Variants in DNMBP observed in about 807,000 individuals in gnomAD.
The protein encoded by DNMBP is dynamin-binding protein.
In DNMBP, 87 loss-of-function variants were observed where a neutral mutation model predicts 150.0. The observed-to-expected ratio is 0.58, with a 90% CI of 0.49 to 0.69. DNMBP has a LOEUF of 0.69. Among genes scored for constraint, DNMBP ranks in the 30% least tolerant of loss-of-function variants. The probability of loss-of-function intolerance (pLI) is 0.00; values close to 1 mark genes in which losing one functional copy is unlikely to be tolerated. For synonymous variants in DNMBP, 711 were observed against 750.4 expected, an observed-to-expected ratio of 0.95 and a Z score of 0.86; for missense variants, 1,774 against 1,949.0, an observed-to-expected ratio of 0.91 and a Z score of 1.69.
rs34454102 is a variant in DNMBP, at chr10:99,964,894, A to G, written c.268+4221T>C. On this transcript the variant is annotated intron_variant, in intron 3 of 16. Transcript: ENST00000324109. ...CCAAGGAAAAAAAAAAAATATATAT[A>G]TATATATATATTTTAACTCAAAACA... Among the ~76,000 whole-genome samples, 986 of 149,614 alleles carry G rather than the reference A, an allele frequency of 6.6e-3. 12 individuals carry two copies. Among genetic ancestry groups the G allele is most frequent in the African/African-American group, 0.023 (941 of 41,008 alleles).
rs763611138 is a variant in DNMBP at position 99,913,868 on chromosome 10, C to A, written c.2261-4722G>T. Reference sequence around the variant, plus strand: ...AATGGGGAAAATTTTGAGCTCCCGGCCAGATCCCAGGTGCCCTTGAACAGG... The same window carrying A: ...AATGGGGAAAATTTTGAGCTCCCGGACAGATCCCAGGTGCCCTTGAACAGG... On this transcript the variant is annotated intron_variant, in intron 4 of 16. Transcript: ENST00000324109. 223 of 1,254,324 alleles carry A rather than the reference C, an allele frequency of 1.8e-4. 1 individual carries two copies. The Middle Eastern group carries it at 4.9e-3, about 27-fold the overall frequency. 77.7% of individuals were successfully genotyped at this position (1,254,324 alleles called of 1,614,324 possible). A position where few individuals can be genotyped will look rare whatever the true frequency, so the allele number is the denominator to read the frequency against.
chr10:100,000,879 A>AAC lies in DNMBP; in HGVS notation c.-11+8958_-11+8959insGT, dbSNP rs1554875520. ...TATGGCAAAAAAAAAAAAAAAAAAA[A>AAC]AAAAAAAACCCAGCAGGGTACAGGA... On this transcript the variant is annotated intron_variant, in intron 1 of 16. Coordinates refer to ENST00000324109, the MANE Select transcript of DNMBP (RefSeq NM_015221.4). Among the ~76,000 whole-genome samples the AAC allele has an allele frequency of 2.6e-4, 36 of 137,144 alleles. 1 individual carries two copies. The highest frequency in any genetic ancestry group is 4.5e-4 in the South Asian group (2 of 4,488). The allele number at this position is 137,144 out of a possible 152,430, so 90.0% of individuals were successfully genotyped here. A position where few individuals can be genotyped will look rare whatever the true frequency, so the allele number is the denominator to read the frequency against.
chr10:100,001,023 A>G (rs1217763161), intron 1 of DNMBP, among the ~76,000 whole-genome samples: 3 of 151,334 alleles, frequency 2.0e-5, no homozygotes. Context: ...ACGAGGGAGG[A>G]GTTCAAGACC....
intron 4 of DNMBP, among the ~76,000 whole-genome samples, chr10:99,941,759 C>T (rs552221169): frequency 6.6e-6 from 1 of 152,170 alleles, no homozygotes; most frequent in Non-Finnish European, 1.5e-5. Context: ...TGAGCCACCA[C>T]GCCTGGCCTC....
intron 4 of DNMBP, among the ~76,000 whole-genome samples, chr10:99,925,211 G>A (rs1030536342): frequency 1.3e-5 from 2 of 151,878 alleles, no homozygotes; most frequent in African/African-American, 2.4e-5. Flanking sequence ...CTCAATCTAC[G>A]GCTGTGCTTC....
At position 100,009,465 on chromosome 10, in the gene DNMBP, G is replaced by A. The variant is rs369934955; in HGVS notation, c.-11+373C>T. The stretch of plus-strand genomic sequence containing the variant: ...GAACATCTGTAAAATCAGCGGGGTG[G>A]ACTAACGCAGAATTCTTTTTCCAGC... On this transcript the variant is annotated intron_variant, in intron 1 of 16. Coordinates refer to ENST00000324109, the MANE Select transcript of DNMBP (RefSeq NM_015221.4). Among the ~76,000 whole-genome samples, 419 of 152,378 alleles carry A rather than the reference G, an allele frequency of 2.7e-3. 3 individuals carry two copies. The highest frequency in any genetic ancestry group is 4.2e-3 in the Non-Finnish European group (286 of 68,038).
chr10:99,924,845 A>C (rs779114054), intron 4 of DNMBP, among the ~76,000 whole-genome samples: 3 of 152,256 alleles, frequency 2.0e-5, no homozygotes, highest in Non-Finnish European at 4.4e-5. Context: ...AGTGCCTTCA[A>C]ATCAATGCAG....
chr10:99,908,614 C>T (rs1028223778), intron 5 of DNMBP, among the ~76,000 whole-genome samples: 2 of 152,222 alleles, frequency 1.3e-5, no homozygotes, highest in Non-Finnish European at 2.9e-5. Context: ...AGTCATGTAA[C>T]TGCTCACCCC....
chr10:99,884,212 G>A lies in DNMBP; in HGVS notation c.3799-3C>T. 1 of 1,611,610 alleles carries A rather than the reference G, an allele frequency of 6.2e-7. No individual in the cohort carries two copies. ...TCTGACTGTAGCATGTAACTTGGCT[G>A]AAAGGTAAGACGTTAACAAAAATCT... On this transcript the variant is annotated splice_polypyrimidine_tract_variant and splice_region_variant and intron_variant, in intron 14 of 16. Transcript: ENST00000324109.
At chr10:99,891,862 A>G (rs567932610) in intron 11 of DNMBP, among the ~76,000 whole-genome samples, 17,653 of 141,322 alleles carry the variant, frequency 0.12, 1,743 homozygotes, top group African/African-American at 0.27. Flanking sequence ...CTGCCCGGCC[A>G]CGACCCCGTC....
chr10:99,972,564 C>T (rs1025845484), intron 1 of DNMBP, among the ~76,000 whole-genome samples: 7 of 151,252 alleles, frequency 4.6e-5, no homozygotes, highest in Non-Finnish European at 7.4e-5. Flanking sequence ...CTCCACTGTA[C>T]CTGGCCTCAT....
intron 1 of DNMBP, among the ~76,000 whole-genome samples, chr10:100,007,733 C>T (rs901994281): frequency 2.0e-5 from 3 of 152,206 alleles, no homozygotes; most frequent in Non-Finnish European, 4.4e-5. Flanking sequence ...CTTGGTTTAA[C>T]GGCTCTTTCA....
intron 16 of DNMBP, 78 bp from the exon 17 acceptor site, chr10:99,877,414 G>T (rs1482461043): frequency 5.8e-6 from 7 of 1,213,050 alleles, no homozygotes; most frequent in Non-Finnish European, 8.1e-6. Flanking sequence ...GTTGGGGAGG[G>T]TTCCACATCC....
At chr10:100,005,764 C>CAAAGAAA (rs2041062167) in intron 1 of DNMBP, among the ~76,000 whole-genome samples, 1 of 37,978 alleles carries the variant, frequency 2.6e-5, no homozygotes, top group African/African-American at 1.0e-4. Flanking sequence ...CAAAAGTCTC[C>CAAAGAAA]AAAAAAAAAA....
chr10:99,888,709 G>A lies in DNMBP; in HGVS notation c.3285+116C>T, dbSNP rs1173035774. On this transcript the variant is annotated intron_variant, in intron 12 of 16. Transcript: ENST00000324109. ...AAACCCCAATATGAATATAGCTAAA[G>A]GATGACTAATATGCCTGGTGCCCAG... is the stretch of plus-strand genomic sequence containing the variant. The A allele has an allele frequency of 3.2e-6, 4 of 1,231,006 alleles. No individual in the cohort carries two copies. In the African/African-American group the frequency reaches 4.5e-5, roughly 14 times the overall value. The allele number at this position is 1,231,006 out of a possible 1,614,324, so 76.3% of individuals were successfully genotyped here.
intron 4 of DNMBP, among the ~76,000 whole-genome samples, chr10:99,910,109 A>C (rs1199428123): frequency 1.3e-5 from 2 of 152,264 alleles, no homozygotes; most frequent in African/African-American, 4.8e-5. Context: ...TATACTAGTA[A>C]GTCTGAGTAC....
chr10:100,007,670 C>T (rs968169479), intron 1 of DNMBP, among the ~76,000 whole-genome samples: 3 of 152,178 alleles, frequency 2.0e-5, no homozygotes, highest in Admixed American at 1.3e-4. Context: ...TTTCACCTCC[C>T]ACAGCTGCCT....
Position 99,977,920 on chromosome 10 carries a change from C to T in DNMBP, c.-10-5786G>A, listed in dbSNP as rs144091034. On this transcript the variant is annotated intron_variant, in intron 1 of 16. Coordinates refer to ENST00000324109, the MANE Select transcript of DNMBP (RefSeq NM_015221.4). ...CCAGCTTGTCTATCTATGTATGGCACTGGCAACAGTGCCATAGCAATGTCA... is the reference window on the plus strand; with the variant it reads ...CCAGCTTGTCTATCTATGTATGGCATTGGCAACAGTGCCATAGCAATGTCA... Among the ~76,000 whole-genome samples, 86 of 152,318 alleles carry T rather than the reference C, an allele frequency of 5.6e-4. 1 individual carries two copies. Among genetic ancestry groups the T allele is most frequent in the Admixed American group, 5.2e-4 (8 of 15,298 alleles).
intron 4 of DNMBP, among the ~76,000 whole-genome samples, chr10:99,933,805 T>A (rs550606034): frequency 2.3e-4 from 35 of 152,180 alleles, no homozygotes; most frequent in Non-Finnish European, 4.9e-4. Flanking sequence ...GGCGCGATCT[T>A]GGCTCACTGC....
Sources: allele counts gnomAD v4.1 joint callset (sites outside exome capture counted in the v4.1 genomes callset), GRCh38; gene constraint gnomAD v4.1.1; transcripts MANE v1.5; gene names NCBI Gene and HGNC (gene_info 2026-07-23, HGNC 2026-07-21).